GNAQ: variants seen among roughly 807,000 people sequenced by gnomAD.
GNAQ encodes G protein subunit alpha q, also known as guanine nucleotide-binding protein G(q) subunit alpha.
GNAQ carries 8 observed loss-of-function variants against 43.9 expected under a neutral mutation model. That is an observed-to-expected ratio of 0.18 (90% confidence interval 0.11 to 0.33). The LOEUF (loss-of-function observed/expected upper bound fraction) is 0.33, where lower values mean the gene tolerates loss of function less well. Ranked by LOEUF, GNAQ falls within the 10% of genes least tolerant of loss-of-function variation. GNAQ has a pLI of 1.00. For missense variants in GNAQ, 158 were observed against 450.8 expected, an observed-to-expected ratio of 0.35 and a Z score of 5.88; for synonymous variants, 155 against 170.7, an observed-to-expected ratio of 0.91 and a Z score of 0.71.
chr9:77,865,881 G>A (rs975703190), intron 2 of GNAQ, among the ~76,000 whole-genome samples: 8 of 152,216 alleles, frequency 5.3e-5, no homozygotes, highest in African/African-American at 1.9e-4. Flanking sequence ...GCTCACTAAA[G>A]CTTTCACTGA....
intron 5 of GNAQ, among the ~76,000 whole-genome samples, chr9:77,750,578 A>G (rs1399089079): frequency 6.6e-6 from 1 of 152,182 alleles, no homozygotes; most frequent in Non-Finnish European, 1.5e-5. Flanking sequence ...GGCACAGCTC[A>G]AACTTCCTGA....
At chr9:77,761,340 C>G in intron 5 of GNAQ, among the ~76,000 whole-genome samples, 1 of 128,160 alleles carries the variant, frequency 7.8e-6, no homozygotes, top group Non-Finnish European at 1.7e-5. Context: ...CAGCCCCCCG[C>G]CCGGCCAGCC....
intron 1 of GNAQ, among the ~76,000 whole-genome samples, chr9:77,950,749 T>A (rs535045770): frequency 2.1e-4 from 32 of 152,274 alleles, no homozygotes; most frequent in Admixed American, 3.9e-4. Context: ...GGTACAAGGA[T>A]AATCACTACA....
chr9:77,899,712 C>T (rs1485402721), intron 2 of GNAQ, among the ~76,000 whole-genome samples: 1 of 152,066 alleles, frequency 6.6e-6, no homozygotes, highest in Non-Finnish European at 1.5e-5. Context: ...CGAAAGACAG[C>T]AGAGGTCAGA....
chr9:77,767,824 T>C (rs908692519), intron 5 of GNAQ, among the ~76,000 whole-genome samples: 1 of 152,184 alleles, frequency 6.6e-6, no homozygotes, highest in African/African-American at 2.4e-5. Context: ...AATCTTGAAG[T>C]CATGGTGCCC....
chr9:77,756,502 T>A (rs867271087), intron 5 of GNAQ, among the ~76,000 whole-genome samples: 1 of 152,226 alleles, frequency 6.6e-6, no homozygotes. Context: ...TTTGAAGTTA[T>A]AGGTGGGCAG....
At chr9:78,021,998 C>A (rs1201193982) in intron 1 of GNAQ, among the ~76,000 whole-genome samples, 1 of 152,188 alleles carries the variant, frequency 6.6e-6, no homozygotes, top group Non-Finnish European at 1.5e-5. Context: ...GATACCATTT[C>A]TTGTGAAGAC....
chr9:77,813,919 T>G (rs1826969554), intron 3 of GNAQ, among the ~76,000 whole-genome samples: 1 of 152,074 alleles, frequency 6.6e-6, no homozygotes. Context: ...ATGAGTTAGT[T>G]TTAAAGGCTA....
In GNAQ at chr9:77,954,632, G is replaced by GT. The variant is rs1275818282; in HGVS notation, c.137-32288dup. 2.6e-5 allele frequency among the ~76,000 whole-genome samples: 4 copies of GT among 152,308 alleles called. No homozygotes were observed. The East Asian group carries it at 7.7e-4, about 29-fold the overall frequency. On this transcript the variant is annotated intron_variant, in intron 1 of 6. Transcript: ENST00000286548. The stretch of plus-strand genomic sequence containing the variant: ...ATGCTATATTTCAAAGAATGTTAGA[G>GT]TTTAATGACACAAAATTGAGATTCC...
chr9:77,885,077 T>C (rs529368584), intron 2 of GNAQ, among the ~76,000 whole-genome samples: 1 of 152,168 alleles, frequency 6.6e-6, no homozygotes, highest in Non-Finnish European at 1.5e-5. Context: ...CTATTACTGT[T>C]ACAGTAATAA....
chr9:77,851,968 T>C (rs1041900704), intron 2 of GNAQ, among the ~76,000 whole-genome samples: 2 of 152,176 alleles, frequency 1.3e-5, no homozygotes, highest in African/African-American at 2.4e-5. Context: ...TTCTTATCAA[T>C]TGAGTGCTTA....
At chr9:77,930,486 A>T (rs1177759114) in intron 1 of GNAQ, among the ~76,000 whole-genome samples, 1 of 152,192 alleles carries the variant, frequency 6.6e-6, no homozygotes, top group African/African-American at 2.4e-5. Flanking sequence ...ATAAATTTGC[A>T]CTATGAAAGA....
intron 2 of GNAQ, among the ~76,000 whole-genome samples, chr9:77,837,625 C>A (rs1587939179): frequency 6.9e-6 from 1 of 145,284 alleles, no homozygotes; most frequent in East Asian, 2.0e-4. Context: ...CAACAGTGTA[C>A]CATTTTCCAA....
intron 5 of GNAQ, among the ~76,000 whole-genome samples, chr9:77,769,664 CTTT>C (rs539379703): frequency 2.4e-4 from 31 of 129,098 alleles, no homozygotes; most frequent in Admixed American, 1.3e-3. Context: ...GACAAGAACT[CTTT>C]TTTTTTTTTT....
At position 77,755,289 on chromosome 9, in the gene GNAQ, G is replaced by A. The variant is rs147774269; in HGVS notation, c.736-26622C>T. On this transcript the variant is annotated intron_variant, in intron 5 of 6. Transcript: ENST00000286548. ...GTACAAAAATATAGTTAGATAAAAC[G>A]AATAAGATCTAGTATTTGATAGCAC... Among the ~76,000 whole-genome samples, 565 of 152,224 alleles carry A rather than the reference G, an allele frequency of 3.7e-3. 2 individuals carry two copies. Among genetic ancestry groups the A allele is most frequent in the African/African-American group, 0.013 (540 of 41,540 alleles).
intron 2 of GNAQ, among the ~76,000 whole-genome samples, chr9:77,837,541 G>A (rs1307845551): frequency 6.6e-6 from 1 of 151,874 alleles, no homozygotes; most frequent in Non-Finnish European, 1.5e-5. Context: ...GTGACAGAGT[G>A]AGACTCTGTC....
At chr9:77,887,740 AG>A (rs1362456453) in intron 2 of GNAQ, among the ~76,000 whole-genome samples, 2 of 152,244 alleles carry the variant, frequency 1.3e-5, no homozygotes, top group Non-Finnish European at 1.5e-5. Flanking sequence ...AAATCATGTT[AG>A]ATGTTATATT....
intron 1 of GNAQ, among the ~76,000 whole-genome samples, chr9:78,025,069 A>C (rs1823960204): frequency 6.6e-6 from 1 of 152,156 alleles, no homozygotes; most frequent in African/African-American, 2.4e-5. Flanking sequence ...TGCAACATGG[A>C]CATTTATTTT....
intron 3 of GNAQ, among the ~76,000 whole-genome samples, chr9:77,813,852 G>A (rs562900649): frequency 1.3e-5 from 2 of 152,286 alleles, no homozygotes; most frequent in African/African-American, 4.8e-5. Flanking sequence ...ATAGAGGTTA[G>A]AAGAAAAATG....
Sources: gnomAD v4.1 joint callset for allele counts (sites outside exome capture counted in the v4.1 genomes callset) on GRCh38, gnomAD v4.1.1 for gene constraint, MANE v1.5 for transcripts, NCBI Gene and HGNC (gene_info 2026-07-23, HGNC 2026-07-21) for gene names.